SENP2: variants seen among roughly 807,000 people sequenced by gnomAD.
SENP2 encodes the protein SUMO specific peptidase 2, also known as sentrin-specific protease 2.
SENP2 carries 16 observed loss-of-function variants against 86.3 expected under a neutral mutation model. The ratio of observed to expected loss-of-function variants is 0.19; its 90% CI spans 0.13 to 0.28. The LOEUF is 0.28. Among genes scored for constraint, SENP2 ranks in the 10% least tolerant of loss-of-function variants. The probability of loss-of-function intolerance (pLI) is 1.00; values close to 1 mark genes in which losing one functional copy is unlikely to be tolerated. For missense variants in SENP2, 552 were observed against 703.0 expected, an observed-to-expected ratio of 0.79 and a Z score of 2.43; for synonymous variants, 222 against 238.7, an observed-to-expected ratio of 0.93 and a Z score of 0.64.
intron 5 of SENP2, among the ~76,000 whole-genome samples, chr3:185,601,339 C>A (rs1425794702): frequency 1.3e-5 from 2 of 151,928 alleles, no homozygotes; most frequent in African/African-American, 2.4e-5. Context: ...GCCACCGCAC[C>A]TGGCCTTACA....
rs138516803 is a variant in SENP2, at chr3:185,628,467, A to G, written c.1708-1315A>G. Among the ~76,000 whole-genome samples, 19 of 151,424 alleles carry G rather than the reference A, an allele frequency of 1.3e-4. No individual in the cohort carries two copies. In the East Asian group the frequency reaches 3.0e-3, roughly 24 times the overall value. ...ACTAGTTTATAGTAAGGGACATCCAACTATTTATAATGATACATCAGGAGT... is the reference window on the plus strand; with the variant it reads ...ACTAGTTTATAGTAAGGGACATCCAGCTATTTATAATGATACATCAGGAGT... On this transcript the variant is annotated intron_variant, in intron 16 of 16. Coordinates refer to ENST00000296257, the MANE Select transcript of SENP2 (RefSeq NM_021627.3).
intron 2 of SENP2, among the ~76,000 whole-genome samples, chr3:185,592,261 A>T (rs1452648564): frequency 1.3e-5 from 2 of 151,384 alleles, no homozygotes; most frequent in African/African-American, 4.9e-5. Flanking sequence ...TTGTATGTGG[A>T]TACTGAGTCT....
intron 7 of SENP2, chr3:185,611,430 CAG>C (rs2148989566): frequency 2.6e-6 from 1 of 383,018 alleles, no homozygotes; most frequent in Non-Finnish European, 4.7e-6. Context: ...ATTTTACAAA[CAG>C]AGAAACTGGA....
At chr3:185,596,389 G>A (rs886333687) in intron 2 of SENP2, among the ~76,000 whole-genome samples, 1 of 152,058 alleles carries the variant, frequency 6.6e-6, no homozygotes, top group Admixed American at 6.6e-5. Context: ...GGAGGCTGAG[G>A]CAGAAGGATC....
intron 5 of SENP2, among the ~76,000 whole-genome samples, chr3:185,603,288 G>A (rs1722407418): frequency 6.6e-6 from 1 of 152,174 alleles, no homozygotes. Flanking sequence ...AAAGATCAAA[G>A]TGAAGTTGCC....
rs1722522538 is a variant in SENP2, at chr3:185,606,651, A to C, written c.618+153A>C. On this transcript the variant is annotated intron_variant, in intron 6 of 16. Coordinates refer to ENST00000296257, the MANE Select transcript of SENP2 (RefSeq NM_021627.3). ...AACAAAATGAGGCTGTCTTAAACCC[A>C]GATGCACCAAAAATCTGCATGCAGC... The C allele has an allele frequency of 6.0e-6, 4 of 663,700 alleles. No homozygotes were observed. In the South Asian group the frequency reaches 9.3e-5, roughly 15 times the overall value. 41.1% of individuals were successfully genotyped at this position (663,700 alleles called of 1,614,324 possible).
At chr3:185,597,231 A>G (rs1560190852) in intron 2 of SENP2, among the ~76,000 whole-genome samples, 1 of 152,026 alleles carries the variant, frequency 6.6e-6, no homozygotes, top group African/African-American at 2.4e-5. Flanking sequence ...TGTGTGTGTG[A>G]ATCAGTATGG....
chr3:185,621,386 C>CTTTTTTTTTT (rs1220771289), intron 13 of SENP2, among the ~76,000 whole-genome samples: 1,874 of 78,890 alleles, frequency 0.024, 9 homozygotes, highest in Middle Eastern at 0.054. Flanking sequence ...TCTTTTTTTT[C>CTTTTTTTTTT]TTTTTTTTTT....
Position 185,631,036 on chromosome 3 carries a change from G to T in SENP2, c.*1192G>T, listed in dbSNP as rs1712433215. 1 of 152,106 alleles carries T rather than the reference G, an allele frequency of 6.6e-6. No homozygotes were observed. Among genetic ancestry groups the T allele is most frequent in the South Asian group, 2.1e-4 (1 of 4,830 alleles). The allele number at this position is 152,106 out of a possible 1,614,324, so 9.4% of individuals were successfully genotyped here. A position where few individuals can be genotyped will look rare whatever the true frequency, so the allele number is the denominator to read the frequency against. On this transcript the variant is annotated 3_prime_UTR_variant, in exon 17 of 17. Transcript: ENST00000296257. ...TTTAGAGTTGGTCAGAACATATTTT[G>T]CAAGATCTAGTGCCTAGTGTTGCTT...
intron 11 of SENP2, 43 bp downstream of exon 11, chr3:185,614,783 A>AAT: frequency 6.4e-7 from 1 of 1,571,740 alleles, no homozygotes; most frequent in South Asian, 1.1e-5. Context: ...CATGTCTTTA[A>AAT]ATAACCTCAG....
Position 185,600,755 on chromosome 3 carries a change from T to G in SENP2, c.359-10T>G. The G allele has an allele frequency of 6.4e-7, 1 of 1,552,744 alleles. No individual in the cohort carries two copies. Among genetic ancestry groups the G allele is most frequent in the Middle Eastern group, 1.7e-4 (1 of 5,894 alleles). ...TTCATTTTACAATTACAAATGCATT[T>G]TTTAAATAGGTAATAAATCTCCTAA... On this transcript the variant is annotated splice_polypyrimidine_tract_variant and intron_variant, in intron 4 of 16. Coordinates refer to ENST00000296257, the MANE Select transcript of SENP2 (RefSeq NM_021627.3).
At chr3:185,613,489 GTA>G in intron 10 of SENP2, 81 bp downstream of exon 10, 34 of 830,678 alleles carry the variant, frequency 4.1e-5, no homozygotes, top group Middle Eastern at 2.6e-4. Context: ...GCAAGAAAAA[GTA>G]TATATATATA....
chr3:185,606,344 C>G lies in SENP2; in HGVS notation c.464C>G (p.Ser155Ter). ...CTGTTGCTCAGTTTTACTTTGAACT[C>G]AGAAGGCTGTAATAGAAGACCAGGT... The part of the protein sequence containing the change: ...VLPSFGFTLN[S>*]EGCNRRPGGR... The change falls in exon 6 of 17, where the codon TCA (serine) becomes TGA (stop). Residue 155 changes from serine to a stop codon, truncating the protein, a stop_gained. Coordinates refer to ENST00000296257, the MANE Select transcript of SENP2 (RefSeq NM_021627.3). LOFTEE classifies it high-confidence loss of function. The G allele has an allele frequency of 6.2e-7, 1 of 1,601,228 alleles. No homozygotes were observed. The highest frequency in any genetic ancestry group is 8.5e-7 in the Non-Finnish European group (1 of 1,176,600).
intron 2 of SENP2, among the ~76,000 whole-genome samples, chr3:185,593,220 C>G (rs941383657): frequency 1.3e-5 from 2 of 151,986 alleles, no homozygotes; most frequent in African/African-American, 4.8e-5. Context: ...GTGAATAGAG[C>G]TCAGGGAAAA....
In SENP2 at chr3:185,630,715, G is replaced by A. The variant is rs1383389648; in HGVS notation, c.*871G>A. 1 of 152,594 alleles carries A rather than the reference G, an allele frequency of 6.6e-6. No individual in the cohort carries two copies. The highest frequency in any genetic ancestry group is 6.5e-5 in the Admixed American group (1 of 15,278). The allele number at this position is 152,594 out of a possible 1,614,324, so 9.5% of individuals were successfully genotyped here. A position where few individuals can be genotyped will look rare whatever the true frequency, so the allele number is the denominator to read the frequency against. ...TCATTTTCATCCCAGATCTGGTTGA[G>A]TATAAACCTCAGAATTGTAGGGGCT... On this transcript the variant is annotated 3_prime_UTR_variant, in exon 17 of 17. Coordinates refer to ENST00000296257, the MANE Select transcript of SENP2 (RefSeq NM_021627.3).
At chr3:185,612,487 A>T in intron 8 of SENP2, 120 bp from the exon 9 acceptor site, 1 of 682,514 alleles carries the variant, frequency 1.5e-6, no homozygotes, top group Non-Finnish European at 2.5e-6. Flanking sequence ...TTTGGAATTC[A>T]CTGTAGCATT....
intron 14 of SENP2, 44 bp downstream of exon 14, chr3:185,621,949 C>A: frequency 7.7e-7 from 1 of 1,294,282 alleles, no homozygotes; most frequent in East Asian, 2.3e-5. Flanking sequence ...TTGAGGTGAT[C>A]TCTCTTTTAT....
chr3:185,591,742 T>C (rs1474713828), intron 2 of SENP2, among the ~76,000 whole-genome samples: 1 of 148,500 alleles, frequency 6.7e-6, no homozygotes, highest in Non-Finnish European at 1.5e-5. Flanking sequence ...TTCTATTTTT[T>C]TTTTTCGAGA....
intron 1 of SENP2, among the ~76,000 whole-genome samples, chr3:185,588,510 T>A (rs1393223619): frequency 6.6e-6 from 1 of 152,182 alleles, no homozygotes; most frequent in Non-Finnish European, 1.5e-5. Context: ...ATTTTTTAAA[T>A]TAAGCCTCAA....
Sources: gnomAD v4.1 joint callset for allele counts (sites outside exome capture counted in the v4.1 genomes callset) on GRCh38, gnomAD v4.1.1 for gene constraint, MANE v1.5 for transcripts, NCBI Gene and HGNC (gene_info 2026-07-23, HGNC 2026-07-21) for gene names.